PARVG: variants seen among roughly 807,000 people sequenced by gnomAD.
PARVG encodes gamma-parvin.
In PARVG, 36 loss-of-function variants were observed where a neutral mutation model predicts 44.4. The ratio of observed to expected loss-of-function variants is 0.81; its 90% CI spans 0.62 to 1.07. The LOEUF (loss-of-function observed/expected upper bound fraction) is 1.07. Ranked by LOEUF, PARVG falls within the 50% of genes least tolerant of loss-of-function variation. PARVG has a pLI of 0.00. For missense variants in PARVG, 407 were observed against 407.4 expected, an observed-to-expected ratio of 1.00 and a Z score of 0.01; for synonymous variants, 170 against 174.1, an observed-to-expected ratio of 0.98 and a Z score of 0.19.
intron 7 of PARVG, 80 bp from the exon 8 acceptor site, chr22:44,191,969 G>C (rs2054554337): frequency 6.7e-7 from 1 of 1,493,674 alleles, no homozygotes; most frequent in African/African-American, 1.4e-5. Flanking sequence ...GGATGATACA[G>C]AGCAAACGGA....
intron 7 of PARVG, among the ~76,000 whole-genome samples, chr22:44,191,432 C>G (rs1416990833): frequency 3.7e-5 from 4 of 108,692 alleles, no homozygotes; most frequent in African/African-American, 1.4e-4. Flanking sequence ...GCGTCTTGCT[C>G]TATTGCTCAG....
chr22:44,205,900 G>T, intron 13 of PARVG, 71 bp downstream of exon 13: 1 of 1,540,966 alleles, frequency 6.5e-7, no homozygotes, highest in South Asian at 1.2e-5. Flanking sequence ...CCACAGAACA[G>T]GGTGCAGGGC....
chr22:44,193,521 G>T (rs972463789), intron 8 of PARVG, among the ~76,000 whole-genome samples: 1 of 152,208 alleles, frequency 6.6e-6, no homozygotes, highest in African/African-American at 2.4e-5. Context: ...TGTGTGTGAT[G>T]TATCTCCCTC....
At chr22:44,186,567 CT>C (rs1366589429) in intron 4 of PARVG, 2 of 471,112 alleles carry the variant, frequency 4.2e-6, no homozygotes, top group African/African-American at 4.0e-5. Context: ...CCTTTCCCAC[CT>C]TTGACCAGCA....
intron 1 of PARVG, among the ~76,000 whole-genome samples, chr22:44,173,953 G>A (rs966644049): frequency 5.9e-5 from 9 of 152,186 alleles, no homozygotes; most frequent in East Asian, 1.9e-4. Context: ...GCCTGTCTTC[G>A]CCTGCACTTT....
chr22:44,194,840 T>C (rs2054597697), intron 9 of PARVG, among the ~76,000 whole-genome samples: 1 of 151,852 alleles, frequency 6.6e-6, no homozygotes, highest in Non-Finnish European at 1.5e-5. Flanking sequence ...CATCCATCCA[T>C]CCATCTATCC....
intron 1 of PARVG, chr22:44,181,410 T>A (rs1314861986): frequency 4.1e-6 from 4 of 984,028 alleles, no homozygotes; most frequent in Non-Finnish European, 4.8e-6. Flanking sequence ...GGAAGGGGCC[T>A]GGCCCGGGGC....
rs1466357346 is a variant in PARVG, at chr22:44,189,032, G to A, written c.248-82G>A. On this transcript the variant is annotated intron_variant, in intron 5 of 13. Transcript: ENST00000444313. Reference sequence around the variant, plus strand: ...CCCATGTTCCCTGAAGCACCAGGCAGGCTCAGCCTCCTGGAGGGTCCCTGA... The same window carrying A: ...CCCATGTTCCCTGAAGCACCAGGCAAGCTCAGCCTCCTGGAGGGTCCCTGA... 1.5e-5 allele frequency: 23 copies of A among 1,574,982 alleles called. No homozygotes were observed. In the East Asian group the frequency reaches 5.2e-4, roughly 35 times the overall value.
chr22:44,174,433 G>T (rs1182777059), intron 1 of PARVG, among the ~76,000 whole-genome samples: 2 of 152,112 alleles, frequency 1.3e-5, no homozygotes, highest in Non-Finnish European at 2.9e-5. Flanking sequence ...AGCCTAGTGG[G>T]CTCTGGCTCA....
At chr22:44,188,061 T>A in intron 5 of PARVG, 183 bp downstream of exon 5, 1 of 646,328 alleles carries the variant, frequency 1.5e-6, no homozygotes, top group Non-Finnish European at 2.7e-6. Context: ...AGCCCATGAG[T>A]GAGGGGGCCG....
intron 12 of PARVG, among the ~76,000 whole-genome samples, chr22:44,202,361 C>T (rs772492886): frequency 3.3e-5 from 5 of 152,176 alleles, no homozygotes; most frequent in Admixed American, 1.3e-4. Flanking sequence ...GGACCACCTG[C>T]GGGCTGAGGG....
intron 2 of PARVG, 76 bp from the exon 3 acceptor site, chr22:44,183,242 G>A (rs572376345): frequency 4.4e-6 from 6 of 1,375,188 alleles, no homozygotes; most frequent in Non-Finnish European, 3.9e-6. Flanking sequence ...GTGCCTCCAG[G>A]TCTAGAGAAA....
At chr22:44,198,493 CT>C in intron 11 of PARVG, 127 bp from the exon 12 acceptor site, 2 of 744,014 alleles carry the variant, frequency 2.7e-6, no homozygotes, top group Admixed American at 4.6e-5. Flanking sequence ...GTCTTCCCCA[CT>C]TCTCATCAAG....
At chr22:44,201,295 T>C (rs907987995) in intron 12 of PARVG, among the ~76,000 whole-genome samples, 1 of 152,144 alleles carries the variant, frequency 6.6e-6, no homozygotes, top group South Asian at 2.1e-4. Context: ...TCCTTGCCCC[T>C]GTGAGAGCGG....
rs548129519 is a variant in PARVG, at chr22:44,183,034, C to G, written c.-12-284C>G. Reference sequence around the variant, plus strand: ...GGGCTGCAGGAGCACGGTGGGCGGCCGCTCTGCACCTGCCTGAGGAAGGAC... The same window carrying G: ...GGGCTGCAGGAGCACGGTGGGCGGCGGCTCTGCACCTGCCTGAGGAAGGAC... On this transcript the variant is annotated intron_variant, in intron 2 of 13. Coordinates refer to ENST00000444313, the MANE Select transcript of PARVG (RefSeq NM_022141.7). 2.7e-4 allele frequency: 115 copies of G among 424,288 alleles called. 1 individual carries two copies. Among genetic ancestry groups the G allele is most frequent in the African/African-American group, 2.1e-3 (101 of 47,708 alleles). The allele number at this position is 424,288 out of a possible 1,614,324, so 26.3% of individuals were successfully genotyped here.
intron 12 of PARVG, among the ~76,000 whole-genome samples, chr22:44,203,327 G>A (rs1241384673): frequency 6.6e-6 from 1 of 152,152 alleles, no homozygotes; most frequent in Non-Finnish European, 1.5e-5. Flanking sequence ...TGACAAATGG[G>A]TTCTATGAAT....
In PARVG at chr22:44,200,075, G is replaced by A. The variant is rs570503237; in HGVS notation, c.813+1353G>A. On this transcript the variant is annotated intron_variant, in intron 12 of 13. Transcript: ENST00000444313. ...TCCCCAGGTACAGCCTTCAGTGCCC[G>A]CTGGCTAGTCCTGCCTCCGCCCCCG... 8.5e-4 allele frequency among the ~76,000 whole-genome samples: 130 copies of A among 152,258 alleles called. 1 individual carries two copies. Among genetic ancestry groups the A allele is most frequent in the Non-Finnish European group, 1.3e-3 (89 of 67,996 alleles).
In PARVG at chr22:44,190,610, T is replaced by G; in HGVS notation, c.448T>G (p.Phe150Val). The change falls in exon 7 of 14, where the codon TTC becomes GTC. Residue 150 changes from phenylalanine to valine, a missense_variant. By Grantham distance (50) the Phe-to-Val change is conservative. Transcript: ENST00000444313. ...LHLLVALAKR[F>V]QPDLSLPTNV... ...CCTCCTTGTGGCCCTGGCCAAGCGCTTCCAGCCCGACCTCTCCCTCCCAAC... is the reference window on the plus strand; with the variant it reads ...CCTCCTTGTGGCCCTGGCCAAGCGCGTCCAGCCCGACCTCTCCCTCCCAAC... 6.2e-7 allele frequency: 1 copy of G among 1,614,158 alleles called. No homozygotes were observed. Among genetic ancestry groups the G allele is most frequent in the Non-Finnish European group, 8.5e-7 (1 of 1,180,010 alleles).
upstream of PARVG, among the ~76,000 whole-genome samples, chr22:44,176,625 AC>A (rs1293243378): frequency 6.8e-6 from 1 of 147,814 alleles, no homozygotes; most frequent in Non-Finnish European, 1.5e-5. Flanking sequence ...GTGATATTAA[AC>A]TAGGATGAGA....
Sources: gnomAD v4.1 joint callset for allele counts (sites outside exome capture counted in the v4.1 genomes callset) on GRCh38, gnomAD v4.1.1 for gene constraint, MANE v1.5 for transcripts, NCBI Gene and HGNC (gene_info 2026-07-23, HGNC 2026-07-21) for gene names.